Variants in CRYBA4 observed in about 807,000 individuals in gnomAD.
The protein encoded by CRYBA4 is beta-crystallin A4.
Under a neutral mutation model 31.7 loss-of-function variants are expected in CRYBA4, and 30 were observed. The observed-to-expected ratio is 0.95, with a 90% confidence interval of 0.71 to 1.28. The LOEUF is 1.28. Ranked by LOEUF, CRYBA4 falls within the 50% of genes most tolerant of loss-of-function variation. The pLI, the probability that CRYBA4 is intolerant of heterozygous loss-of-function variation, is 0.00. For missense variants in CRYBA4, 225 were observed against 260.7 expected (o/e 0.86, Z 0.94); for synonymous variants, 102 against 102.3 (o/e 1.00, Z 0.02).
chr22:26,597,865 T>C, the CRYBA4 span, among the ~76,000 whole-genome samples: 2 of 152,110 alleles, frequency 1.3e-5, no homozygotes, highest in Admixed American at 1.3e-4. Flanking sequence ...TTTCACACTT[T>C]TCTTTGTTTT....
chr22:26,601,788 G>T, the CRYBA4 span: 1 of 1,594,598 alleles, frequency 6.3e-7, no homozygotes, highest in East Asian at 2.2e-5. Context: ...CCTTCTCTAG[G>T]AATCTGATGT....
the CRYBA4 span, chr22:26,616,403 C>T: frequency 9.2e-7 from 1 of 1,087,316 alleles, no homozygotes; most frequent in Non-Finnish European, 1.4e-6. Context: ...CATAGCCCCA[C>T]ATCCTGTGCT....
At chr22:26,597,880 GT>G in the CRYBA4 span, among the ~76,000 whole-genome samples, 1 of 151,618 alleles carries the variant, frequency 6.6e-6, no homozygotes, top group East Asian at 1.9e-4. Context: ...TGTTTTGTTG[GT>G]TTTTTTTCTT....
At chr22:26,594,509 A>G in the CRYBA4 span, among the ~76,000 whole-genome samples, 4 of 152,170 alleles carry the variant, frequency 2.6e-5, no homozygotes, top group Non-Finnish European at 5.9e-5. Flanking sequence ...TGAGACTCAA[A>G]GATTCACAAG....
At chr22:26,614,366 C>G in the CRYBA4 span, among the ~76,000 whole-genome samples, 1 of 152,194 alleles carries the variant, frequency 6.6e-6, no homozygotes, top group Admixed American at 6.5e-5. Context: ...TACAATTTTT[C>G]TCTTTTGTAC....
the CRYBA4 span, among the ~76,000 whole-genome samples, chr22:26,606,011 A>AT: frequency 2.6e-5 from 4 of 152,076 alleles, no homozygotes; most frequent in Admixed American, 6.6e-5. Context: ...ACATTATGAG[A>AT]TTTTTTTTGC....
the CRYBA4 span, chr22:26,599,764 T>G: frequency 1.0e-6 from 1 of 972,986 alleles, no homozygotes. Flanking sequence ...CCTTCATTGA[T>G]CCCTGCAGTC....
At chr22:26,603,751 AAAT>A in the CRYBA4 span, among the ~76,000 whole-genome samples, 85,361 of 149,626 alleles carry the variant, frequency 0.57, 24,640 homozygotes, top group East Asian at 0.76. Context: ...TAAAAATACA[AAAT>A]AATAATAATA....
the CRYBA4 span, among the ~76,000 whole-genome samples, chr22:26,611,453 TG>T: frequency 4.1e-5 from 6 of 144,724 alleles, no homozygotes; most frequent in Non-Finnish European, 7.6e-5. Flanking sequence ...GGCTAGAGTT[TG>T]TTTTTTTTTT....
At chr22:26,595,829 G>A in the CRYBA4 span, among the ~76,000 whole-genome samples, 1 of 152,054 alleles carries the variant, frequency 6.6e-6, no homozygotes, top group South Asian at 2.1e-4. Context: ...CTGGAGTGCA[G>A]TGGCACATTC....
rs752165125 is a variant in CRYBA4 at position 26,630,519 on chromosome 22, G to A, written c.*32G>A. The A allele has an allele frequency of 3.1e-6, 5 of 1,597,946 alleles. No homozygotes were observed. In the East Asian group the frequency reaches 8.9e-5, roughly 29 times the overall value. ...GTGCGGCACGGAGGAGCGCATGCGT[G>A]CTTATCTGCAATGGAGGCGCTCTGG... is the stretch of plus-strand genomic sequence containing the variant. On this transcript the variant is annotated 3_prime_UTR_variant, in exon 6 of 6. Coordinates refer to ENST00000354760, the MANE Select transcript of CRYBA4 (RefSeq NM_001886.3).
At chr22:26,600,603 G>T in the CRYBA4 span, among the ~76,000 whole-genome samples, 6 of 152,130 alleles carry the variant, frequency 3.9e-5, no homozygotes, top group African/African-American at 1.4e-4. Flanking sequence ...CCACCTCCTT[G>T]GTTTGTTATG....
At chr22:26,610,248 G>A in the CRYBA4 span, among the ~76,000 whole-genome samples, 1 of 152,192 alleles carries the variant, frequency 6.6e-6, no homozygotes, top group South Asian at 2.1e-4. Flanking sequence ...CCCAGCCTAA[G>A]GTCACATGAT....
chr22:26,615,664 C>T, the CRYBA4 span, among the ~76,000 whole-genome samples: 1 of 152,156 alleles, frequency 6.6e-6, no homozygotes, highest in Non-Finnish European at 1.5e-5. Context: ...CAGGCGCCCA[C>T]CACTACGCCT....
the CRYBA4 span, among the ~76,000 whole-genome samples, chr22:26,613,199 G>T: frequency 1.3e-5 from 2 of 152,230 alleles, no homozygotes; most frequent in African/African-American, 4.8e-5. Flanking sequence ...CCTCATGTTT[G>T]GTTCCTTGTC....
At chr22:26,623,503 A>ATGTAAGAT in intron 3 of CRYBA4, 151 bp downstream of exon 3, 1 of 651,788 alleles carries the variant, frequency 1.5e-6, no homozygotes, top group South Asian at 1.8e-5. Flanking sequence ...CAGGACTGCC[A>ATGTAAGAT]TGTAAGATTA....
chr22:26,599,261 A>G, the CRYBA4 span: 1 of 569,236 alleles, frequency 1.8e-6, no homozygotes, highest in South Asian at 2.1e-5. Context: ...TGGTAGACTC[A>G]CATAACAGGC....
the CRYBA4 span, among the ~76,000 whole-genome samples, chr22:26,607,497 C>A: frequency 6.9e-6 from 1 of 145,824 alleles, no homozygotes; most frequent in African/African-American, 2.5e-5. Flanking sequence ...TTCAAGGCTG[C>A]AGTGAGCTAT....
chr22:26,622,647 CATGGGGAGGGGGTGTTCAGGGGGT>C lies in CRYBA4; in HGVS notation c.39+23_39+46del, dbSNP rs1161571066. On this transcript the variant is annotated intron_variant, in intron 2 of 5. Coordinates refer to ENST00000354760, the MANE Select transcript of CRYBA4 (RefSeq NM_001886.3). ...CGGGACCCTGGAAGGTAGGAAGAGGCATGGGGAGGGGGTGTTCAGGGGGTATGGGGAGGGTTCAGGTCCCCATGA... is the reference window on the plus strand; with the variant it reads ...CGGGACCCTGGAAGGTAGGAAGAGGCATGGGGAGGGTTCAGGTCCCCATGA... 3.9e-6 allele frequency: 6 copies of C among 1,554,606 alleles called. No homozygotes were observed. Among genetic ancestry groups the C allele is most frequent in the Admixed American group, 1.7e-5 (1 of 59,346 alleles).
Sources: allele counts gnomAD v4.1 joint callset (sites outside exome capture counted in the v4.1 genomes callset), GRCh38; gene constraint gnomAD v4.1.1; transcripts MANE v1.5; gene names NCBI Gene and HGNC (gene_info 2026-07-23, HGNC 2026-07-21).